Variants in PARP4 observed in about 807,000 individuals in gnomAD.
PARP4 encodes poly(ADP-ribose) polymerase family member 4, also known as protein mono-ADP-ribosyltransferase PARP4.
PARP4 carries 120 observed loss-of-function variants against 187.7 expected under a neutral mutation model. That is an observed-to-expected ratio of 0.64 (90% CI 0.55 to 0.74). The LOEUF (loss-of-function observed/expected upper bound fraction) is 0.74, where lower values mean the gene tolerates loss of function less well. Among genes scored for constraint, PARP4 ranks in the 30% least tolerant of loss-of-function variants. The pLI, the probability that PARP4 is intolerant of heterozygous loss-of-function variation, is 0.00. For synonymous variants in PARP4, 654 were observed against 740.9 expected, an observed-to-expected ratio of 0.88 and a Z score of 1.90; for missense variants, 1,836 against 2,070.5, an observed-to-expected ratio of 0.89 and a Z score of 2.20.
intron 25 of PARP4, among the ~76,000 whole-genome samples, chr13:24,449,342 GGC>G (rs1218753516): frequency 7.1e-6 from 1 of 140,614 alleles, no homozygotes; most frequent in East Asian, 2.1e-4. Context: ...GAGCCGAGAT[GGC>G]GCCACTGCAC....
At chr13:24,468,679 C>CA (rs1872595278) in intron 17 of PARP4, among the ~76,000 whole-genome samples, 1 of 152,204 alleles carries the variant, frequency 6.6e-6, no homozygotes, top group South Asian at 2.1e-4. Flanking sequence ...GCTGGGATTA[C>CA]AGGCATAAGT....
In PARP4 at chr13:24,454,579, A is replaced by G. The variant is rs141100502; in HGVS notation, c.2758+438T>C. Among the ~76,000 whole-genome samples, 195 of 152,266 alleles carry G rather than the reference A, an allele frequency of 1.3e-3. 3 individuals are homozygous for G. The East Asian group carries it at 0.02, about 16-fold the overall frequency. On this transcript the variant is annotated intron_variant, in intron 22 of 33. Coordinates refer to ENST00000381989, the MANE Select transcript of PARP4 (RefSeq NM_006437.4). ...ATTTTCTATGACTGCGCTGAGGGCA[A>G]ATGTTTTGTCCTTAGACTTGGGACC...
chr13:24,461,530 C>T (rs1402717593), intron 17 of PARP4, among the ~76,000 whole-genome samples: 3 of 152,152 alleles, frequency 2.0e-5, no homozygotes, highest in Admixed American at 6.5e-5. Context: ...GAACTCCTCC[C>T]GGCTGAGAGT....
At chr13:24,450,444 CA>C in intron 24 of PARP4, among the ~76,000 whole-genome samples, 1 of 149,774 alleles carries the variant, frequency 6.7e-6, no homozygotes, top group East Asian at 1.9e-4. Flanking sequence ...AAATAATTTC[CA>C]AGATGTTTTT....
chr13:24,510,442 T>C (rs1869942787), intron 1 of PARP4, among the ~76,000 whole-genome samples: 1 of 148,390 alleles, frequency 6.7e-6, no homozygotes, highest in South Asian at 2.1e-4. Flanking sequence ...TAGTCCCAGC[T>C]ACTTGGGAGG....
At chr13:24,426,620 T>G in intron 32 of PARP4, 22 bp from the exon 33 acceptor site, 1 of 1,604,502 alleles carries the variant, frequency 6.2e-7, no homozygotes, top group Non-Finnish European at 8.5e-7. Context: ...AAAACTCCGT[T>G]AAGTCTGTTG....
At chr13:24,437,969 G>C (rs1290356773) in intron 30 of PARP4, among the ~76,000 whole-genome samples, 1 of 152,142 alleles carries the variant, frequency 6.6e-6, no homozygotes, top group Non-Finnish European at 1.5e-5. Flanking sequence ...TGTTGGCCAG[G>C]CTGGTCTTGA....
chr13:24,440,761 A>G (rs1870886546), intron 30 of PARP4, among the ~76,000 whole-genome samples: 1 of 152,226 alleles, frequency 6.6e-6, no homozygotes, highest in African/African-American at 2.4e-5. Flanking sequence ...CTGACTTTCA[A>G]TCATCTACCT....
intron 12 of PARP4, among the ~76,000 whole-genome samples, chr13:24,483,944 C>T (rs1220756663): frequency 6.6e-6 from 1 of 152,088 alleles, no homozygotes; most frequent in Non-Finnish European, 1.5e-5. Flanking sequence ...GTCTTCTTTG[C>T]TATTAGGTTT....
intron 1 of PARP4, among the ~76,000 whole-genome samples, chr13:24,507,156 C>A (rs531829219): frequency 1.3e-5 from 2 of 152,210 alleles, no homozygotes; most frequent in African/African-American, 2.4e-5. Context: ...CCGCAAGCGC[C>A]GCGCACAGCC....
chr13:24,473,980 G>A (rs376305514), intron 15 of PARP4, among the ~76,000 whole-genome samples: 28 of 152,272 alleles, frequency 1.8e-4, no homozygotes, highest in African/African-American at 6.7e-4. Context: ...TAAACACTAT[G>A]TGAATGCTGC....
chr13:24,477,891 A>T, intron 13 of PARP4, 34 bp from the exon 14 acceptor site: 1 of 1,478,652 alleles, frequency 6.8e-7, no homozygotes, highest in African/African-American at 1.4e-5. Flanking sequence ...GTGATTAACA[A>T]CAGAAGCAAC....
At chr13:24,475,734 T>C (rs1872950936) in intron 14 of PARP4, 138 bp from the exon 15 acceptor site, 6 of 876,932 alleles carry the variant, frequency 6.8e-6, no homozygotes, top group South Asian at 5.1e-5. Flanking sequence ...TGATTTTCAA[T>C]AGCCAATTCT....
At chr13:24,486,477 A>G (rs1873561491) in intron 10 of PARP4, among the ~76,000 whole-genome samples, 172 bp from the exon 11 acceptor site, 1 of 152,264 alleles carries the variant, frequency 6.6e-6, no homozygotes, top group South Asian at 2.1e-4. Flanking sequence ...AAATAACCAT[A>G]TTATTTAACA....
intron 18 of PARP4, among the ~76,000 whole-genome samples, 167 bp downstream of exon 18, chr13:24,459,805 T>C (rs1872105325): frequency 6.6e-6 from 1 of 152,238 alleles, no homozygotes; most frequent in South Asian, 2.1e-4. Context: ...TTTTATTCTT[T>C]TCATTTTATA....
intron 22 of PARP4, among the ~76,000 whole-genome samples, chr13:24,454,286 C>T (rs1378733065): frequency 3.3e-5 from 5 of 152,214 alleles, no homozygotes; most frequent in Non-Finnish European, 5.9e-5. Context: ...TCTCTGCTCA[C>T]GCCCTTTGCA....
At chr13:24,454,752 G>C (rs1447389696) in intron 22 of PARP4, among the ~76,000 whole-genome samples, 4 of 152,146 alleles carry the variant, frequency 2.6e-5, no homozygotes, top group Non-Finnish European at 5.9e-5. Flanking sequence ...CTGTGAGTTA[G>C]GGACAATTAT....
At chr13:24,504,483 T>C (rs1869499757) in intron 1 of PARP4, among the ~76,000 whole-genome samples, 2 of 151,656 alleles carry the variant, frequency 1.3e-5, no homozygotes, top group African/African-American at 2.4e-5. Context: ...GTGGCTACTT[T>C]TTATATTTTT....
In PARP4 at chr13:24,500,319, G is replaced by T; in HGVS notation, c.398C>A (p.Thr133Asn). 6.3e-7 allele frequency: 1 copy of T among 1,577,528 alleles called. No homozygotes were observed. Among genetic ancestry groups the T allele is most frequent in the Middle Eastern group, 1.7e-4 (1 of 5,962 alleles). ...GAATCAGAAAGAAGTAAATTACTCAGTGAGTTCCACAGTGTCTTCCTCCTC... is the reference window on the plus strand; with the variant it reads ...GAATCAGAAAGAAGTAAATTACTCATTGAGTTCCACAGTGTCTTCCTCCTC... ...ATEEEDTVEL[T>N]EFGMQNVEIP... Residue 133 changes from threonine to asparagine, a missense_variant, in exon 4 of 34, where the codon ACT becomes AAT. By Grantham distance (65) the Thr-to-Asn change is moderately conservative (BLOSUM62 0). Coordinates refer to ENST00000381989, the MANE Select transcript of PARP4 (RefSeq NM_006437.4).
Sources: allele counts gnomAD v4.1 joint callset (sites outside exome capture counted in the v4.1 genomes callset), GRCh38; gene constraint gnomAD v4.1.1; transcripts MANE v1.5; gene names NCBI Gene and HGNC (gene_info 2026-07-23, HGNC 2026-07-21).